Variants in MYLK4 observed in about 807,000 individuals in gnomAD.
MYLK4 encodes the protein myosin light chain kinase family member 4.
MYLK4 carries 46 observed loss-of-function variants against 48.1 expected under a neutral mutation model. That is an observed-to-expected ratio of 0.96 (90% confidence interval 0.75 to 1.22). The LOEUF (loss-of-function observed/expected upper bound fraction) is 1.22, where lower values mean the gene tolerates loss of function less well. MYLK4 is among the 50% of genes most tolerant of loss of function. The probability of loss-of-function intolerance (pLI) is 0.00; values close to 1 mark genes in which losing one functional copy is unlikely to be tolerated. For missense variants in MYLK4, 451 were observed against 486.1 expected, an observed-to-expected ratio of 0.93 and a Z score of 0.68; for synonymous variants, 170 against 180.8, an observed-to-expected ratio of 0.94 and a Z score of 0.48.
Position 2,678,329 on chromosome 6 carries a change from T to C in MYLK4, c.931A>G (p.Thr311Ala), listed in dbSNP as rs1582030670. ...CTGCAGGCCAGGATGTTGTTCAGCG[T>C]CTCAGCATCATTGTCACCCAGGAAA... is the stretch of plus-strand genomic sequence containing the variant. ...SPFLGDNDAE[T>A]LNNILACRWD... The change falls in exon 10 of 13, where the codon ACG becomes GCG. Residue 311 changes from threonine (T) to alanine (A), a missense_variant. Physicochemically the swap from Thr to Ala is moderately conservative, Grantham distance 58 (BLOSUM62 0). Coordinates refer to ENST00000274643, the MANE Select transcript of MYLK4 (RefSeq NM_001012418.5). 6 of 1,614,032 alleles carry C rather than the reference T, an allele frequency of 3.7e-6. No individual in the cohort carries two copies. The East Asian group carries it at 1.3e-4, about 36-fold the overall frequency.
chr6:2,693,644 A>G (rs140434716), intron 2 of MYLK4, among the ~76,000 whole-genome samples: 1 of 152,324 alleles, frequency 6.6e-6, no homozygotes, highest in East Asian at 1.9e-4. Flanking sequence ...GATGTCCAAA[A>G]AAAGTATTTA....
At chr6:2,684,314 T>C (rs1445806090) in intron 6 of MYLK4, among the ~76,000 whole-genome samples, 1 of 152,182 alleles carries the variant, frequency 6.6e-6, no homozygotes, top group African/African-American at 2.4e-5. Context: ...GTGGGAGATT[T>C]CATCAGGCTA....
At chr6:2,671,241 T>C in intron 12 of MYLK4, 35 bp downstream of exon 12, 2 of 1,441,172 alleles carry the variant, frequency 1.4e-6, no homozygotes, top group Non-Finnish European at 2.0e-6. Flanking sequence ...TCTTAAGGCC[T>C]TCACAGACAC....
At chr6:2,732,737 T>A (rs930990) in intron 2 of MYLK4, among the ~76,000 whole-genome samples, 121,736 of 151,916 alleles carry the variant, frequency 0.8, 48,965 homozygotes, top group East Asian at 0.94. Context: ...CTCTGATGCC[T>A]TAAAACTGAA....
rs1014983816 is a variant in MYLK4 at position 2,667,793 on chromosome 6, G to C, written c.*132C>G. The C allele has an allele frequency of 6.6e-6, 1 of 152,578 alleles. No homozygotes were observed. Among genetic ancestry groups the C allele is most frequent in the African/African-American group, 2.4e-5 (1 of 41,428 alleles). 9.5% of individuals were successfully genotyped at this position (152,578 alleles called of 1,614,324 possible). ...CCAGTTCAAGTTCACATTCAGGGTCGAGGGCTCCCCCTGCTAAGACTACCA... is the reference window on the plus strand; with the variant it reads ...CCAGTTCAAGTTCACATTCAGGGTCCAGGGCTCCCCCTGCTAAGACTACCA... On this transcript the variant is annotated 3_prime_UTR_variant, in exon 13 of 13. Coordinates refer to ENST00000274643, the MANE Select transcript of MYLK4 (RefSeq NM_001012418.5).
chr6:2,767,573 A>C, the MYLK4 span, among the ~76,000 whole-genome samples: 1 of 149,194 alleles, frequency 6.7e-6, no homozygotes, highest in African/African-American at 2.6e-5. Context: ...ATAACATCTT[A>C]TGATGATGGT....
At chr6:2,766,299 C>G in the MYLK4 span, 68 of 1,607,478 alleles carry the variant, frequency 4.2e-5, 1 homozygote, top group South Asian at 7.3e-4. Flanking sequence ...CAGGGCAAGC[C>G]GCTGGCCGAC....
the MYLK4 span, among the ~76,000 whole-genome samples, chr6:2,757,139 CT>C: frequency 5.6e-3 from 807 of 143,910 alleles, 1 homozygote; most frequent in Non-Finnish European, 7.6e-3. Flanking sequence ...CAGAGGTGTG[CT>C]TTTTTTTTTT....
rs750455101 is a variant in MYLK4, at chr6:2,688,982, C to T, written c.236-26G>A. On this transcript the variant is annotated intron_variant, in intron 3 of 12. Transcript: ENST00000274643. ...CTAGAAGGTGAGAGAAACAGAAGGGCAATCTGTCAAGAAGTCTGACCTCGT... is the reference window on the plus strand; with the variant it reads ...CTAGAAGGTGAGAGAAACAGAAGGGTAATCTGTCAAGAAGTCTGACCTCGT... 6.9e-6 allele frequency: 11 copies of T among 1,601,702 alleles called. No individual in the cohort carries two copies. In the East Asian group the frequency reaches 2.2e-4, roughly 32 times the overall value.
At chr6:2,765,574 G>T in the MYLK4 span, 2 of 1,420,794 alleles carry the variant, frequency 1.4e-6, no homozygotes, top group South Asian at 2.8e-5. Context: ...CTCCGCGTGC[G>T]CACGGGTTGC....
the MYLK4 span, among the ~76,000 whole-genome samples, chr6:2,759,090 C>T: frequency 2.0e-3 from 301 of 152,248 alleles, no homozygotes; most frequent in African/African-American, 7.1e-3. Flanking sequence ...AATTTCATTT[C>T]TCTTACTAAA....
intron 2 of MYLK4, among the ~76,000 whole-genome samples, chr6:2,694,474 T>C (rs895093184): frequency 1.6e-5 from 2 of 126,082 alleles, no homozygotes; most frequent in African/African-American, 6.1e-5. Flanking sequence ...ATGATGATGA[T>C]GATGATGGTA....
intron 2 of MYLK4, 23 bp from the exon 3 acceptor site, chr6:2,692,882 T>C (rs754732517): frequency 1.6e-4 from 255 of 1,607,064 alleles, no homozygotes; most frequent in African/African-American, 2.8e-4. Flanking sequence ...AATTGAGTAA[T>C]TGAAGTTACA....
At chr6:2,730,360 G>A (rs1242250027) in intron 2 of MYLK4, among the ~76,000 whole-genome samples, 1 of 152,206 alleles carries the variant, frequency 6.6e-6, no homozygotes, top group African/African-American at 2.4e-5. Context: ...CAGCATAGCG[G>A]GAGGAAGGAT....
intron 11 of MYLK4, among the ~76,000 whole-genome samples, chr6:2,674,369 T>A (rs1761006044): frequency 6.6e-6 from 1 of 152,138 alleles, no homozygotes; most frequent in African/African-American, 2.4e-5. Flanking sequence ...CTGAATTCTG[T>A]TTTAAGGAGG....
At chr6:2,670,719 T>C (rs1284282812) in intron 12 of MYLK4, among the ~76,000 whole-genome samples, 1 of 152,114 alleles carries the variant, frequency 6.6e-6, no homozygotes, top group Non-Finnish European at 1.5e-5. Flanking sequence ...GGAGGTGGTA[T>C]TCTTTGGGCT....
intron 3 of MYLK4, among the ~76,000 whole-genome samples, chr6:2,691,926 T>A (rs9503254): frequency 0.024 from 3,608 of 152,334 alleles, 136 homozygotes; most frequent in African/African-American, 0.083. Flanking sequence ...TAAACCGCAA[T>A]GGCACATAGC....
chr6:2,674,944 G>T (rs1761029838), intron 11 of MYLK4, 103 bp downstream of exon 11: 1 of 842,654 alleles, frequency 1.2e-6, no homozygotes, highest in Non-Finnish European at 2.0e-6. Context: ...GTGAGAAAAA[G>T]AATGAGAAAG....
chr6:2,760,737 C>T, the MYLK4 span, among the ~76,000 whole-genome samples: 6 of 152,020 alleles, frequency 3.9e-5, no homozygotes, highest in African/African-American at 1.4e-4. Flanking sequence ...AACAAAAAAT[C>T]AATGCATTTC....
Sources: allele counts gnomAD v4.1 joint callset (sites outside exome capture counted in the v4.1 genomes callset), GRCh38; gene constraint gnomAD v4.1.1; transcripts MANE v1.5; gene names NCBI Gene and HGNC (gene_info 2026-07-23, HGNC 2026-07-21).